Variants in LCORL observed in about 807,000 individuals in gnomAD.
LCORL encodes ligand dependent nuclear receptor corepressor like.
A neutral mutation model predicts 141.8 loss-of-function variants in LCORL; 41 were observed. The ratio of observed to expected loss-of-function variants is 0.29; its 90% CI spans 0.23 to 0.38. LCORL has a LOEUF of 0.38. Among genes scored for constraint, LCORL ranks in the 10% least tolerant of loss-of-function variants. The pLI is 1.00. For missense variants in LCORL, 1,759 were observed against 2,035.0 expected (o/e 0.86, Z 2.61); for synonymous variants, 618 against 694.1 (o/e 0.89, Z 1.72).
intron 4 of LCORL, among the ~76,000 whole-genome samples, chr4:17,918,881 C>A (rs1733872261): frequency 6.6e-6 from 1 of 152,050 alleles, no homozygotes; most frequent in African/African-American, 2.4e-5. Context: ...AGAATAAACT[C>A]AGAGATCACA....
At chr4:17,909,116 C>A in exon 5 of LCORL, 1 of 1,598,448 alleles carries the variant, frequency 6.3e-7, no homozygotes, top group Non-Finnish European at 8.5e-7. Flanking sequence ...TTTGTTCTTG[C>A]ATTCGATTCA....
chr4:17,951,519 C>T lies in LCORL; in HGVS notation c.430+10384G>A, dbSNP rs540360816. Among the ~76,000 whole-genome samples the T allele has an allele frequency of 1.6e-3, 240 of 152,140 alleles. 1 individual carries two copies. In the Middle Eastern group the frequency reaches 0.021, roughly 13 times the overall value. On this transcript the variant is annotated intron_variant, in intron 4 of 7. Coordinates refer to ENST00000635767, the Ensembl canonical transcript of LCORL. ...AGATCTCTATGGTTTGCTACCTCAA[C>T]TTTTTTTTACATCTCTGCTCAAATG...
At chr4:17,862,812 T>G (rs1725160309) in intron 7 of LCORL, among the ~76,000 whole-genome samples, 1 of 152,090 alleles carries the variant, frequency 6.6e-6, no homozygotes, top group African/African-American at 2.4e-5. Context: ...ACACAGGCCC[T>G]GGCAAAGATG....
At chr4:17,876,371 G>A in exon 7 of LCORL, 1 of 1,230,768 alleles carries the variant, frequency 8.1e-7, no homozygotes, top group Non-Finnish European at 1.0e-6. Flanking sequence ...CAGCATGTTG[G>A]TCTTTACCAT....
At chr4:17,930,586 A>G (rs957794003) in intron 4 of LCORL, among the ~76,000 whole-genome samples, 1 of 152,218 alleles carries the variant, frequency 6.6e-6, no homozygotes, top group African/African-American at 2.4e-5. Flanking sequence ...TAGATTAACA[A>G]GTGAATAATA....
intron 7 of LCORL, among the ~76,000 whole-genome samples, chr4:17,848,524 A>G (rs141261596): frequency 6.6e-6 from 1 of 152,264 alleles, no homozygotes; most frequent in Non-Finnish European, 1.5e-5. Flanking sequence ...TAATTTTTAA[A>G]TTTTTTTGAA....
intron 7 of LCORL, among the ~76,000 whole-genome samples, chr4:17,865,015 C>T (rs897921321): frequency 3.9e-5 from 6 of 152,150 alleles, no homozygotes; most frequent in Non-Finnish European, 4.4e-5. Flanking sequence ...CAAAACCTAA[C>T]AGATCTGAAA....
At chr4:17,911,971 G>A in intron 4 of LCORL, 1 of 615,446 alleles carries the variant, frequency 1.6e-6, no homozygotes, top group Admixed American at 1.9e-5. Flanking sequence ...TGACTGCTTG[G>A]CCTCCTACCT....
Position 17,956,440 on chromosome 4 carries a change from A to G in LCORL, c.430+5463T>C, listed in dbSNP as rs1712645283. On this transcript the variant is annotated intron_variant, in intron 4 of 7. Transcript: ENST00000635767. ...TATGAATGGATAAAGAAAATGTGGT[A>G]TATCTACATAATGGAATACTATTCA... is the stretch of plus-strand genomic sequence containing the variant. Among the ~76,000 whole-genome samples, 3 of 152,290 alleles carry G rather than the reference A, an allele frequency of 2.0e-5. No individual in the cohort carries two copies. The South Asian group carries it at 6.2e-4, about 32-fold the overall frequency.
At chr4:17,856,091 G>A (rs1170883904) in intron 7 of LCORL, among the ~76,000 whole-genome samples, 2 of 152,158 alleles carry the variant, frequency 1.3e-5, no homozygotes, top group African/African-American at 4.8e-5. Flanking sequence ...TTCCTTAAAC[G>A]ATTCCAGTAT....
chr4:17,969,681 A>T (rs987503821), intron 2 of LCORL, among the ~76,000 whole-genome samples: 1 of 152,322 alleles, frequency 6.6e-6, no homozygotes, highest in South Asian at 2.1e-4. Flanking sequence ...AACATCAAGC[A>T]TGGGTTAAAT....
chr4:17,943,217 G>A (rs16896068), intron 4 of LCORL, among the ~76,000 whole-genome samples: 37,809 of 151,932 alleles, frequency 0.25, 6,199 homozygotes, highest in African/African-American at 0.46. Context: ...GTATCCTACT[G>A]TAACAAGCAA....
At chr4:17,885,228 C>A (rs1347120536) in intron 6 of LCORL, among the ~76,000 whole-genome samples, 1 of 151,878 alleles carries the variant, frequency 6.6e-6, no homozygotes, top group Non-Finnish European at 1.5e-5. Context: ...ACACAAACAT[C>A]CCATATTTCC....
In LCORL at chr4:18,021,697, C is replaced by G; in HGVS notation, c.55G>C (p.Ala19Pro). ...GGGCTCCGGCACTGAGCGGCGGCGG[C>G]GGCGGCGGCAGCAGCGGCGGCGGCA... The change falls in exon 1 of 8, where the codon GCC (alanine) becomes CCC (proline). Residue 19 changes from alanine (A) to proline (P), a missense_variant. This residue lies in a region of LCORL where 86 missense variants were observed against 61.8 expected (regional missense o/e 1.39). Coordinates refer to ENST00000635767, the Ensembl canonical transcript of LCORL. This position sits in a 1 kb window ranked among gnomAD's most constrained non-coding sequence, Gnocchi z 5.5. The G allele has an allele frequency of 1.3e-6, 2 of 1,530,972 alleles. No homozygotes were observed. The highest frequency in any genetic ancestry group is 1.8e-6 in the Non-Finnish European group (2 of 1,139,912). 94.8% of individuals were successfully genotyped at this position (1,530,972 alleles called of 1,614,324 possible). A position where few individuals can be genotyped will look rare whatever the true frequency, so the allele number is the denominator to read the frequency against.
chr4:17,852,122 A>C (rs187084762), intron 7 of LCORL, among the ~76,000 whole-genome samples: 1 of 152,148 alleles, frequency 6.6e-6, no homozygotes, highest in Admixed American at 6.5e-5. Flanking sequence ...ATGCTATGTC[A>C]TCAGATTTAT....
At chr4:17,912,741 TG>T (rs2109340478) in intron 4 of LCORL, 2 of 409,304 alleles carry the variant, frequency 4.9e-6, no homozygotes, top group East Asian at 1.2e-4. Context: ...GAGTCGGAGC[TG>T]GCACAGACCC....
At chr4:17,924,745 T>A (rs111535916) in intron 4 of LCORL, among the ~76,000 whole-genome samples, 1 of 152,202 alleles carries the variant, frequency 6.6e-6, no homozygotes, top group Non-Finnish European at 1.5e-5. Context: ...CTCATGCTCA[T>A]GGAATTCACT....
At chr4:18,013,130 C>G (rs750768060) in intron 1 of LCORL, among the ~76,000 whole-genome samples, 1 of 152,092 alleles carries the variant, frequency 6.6e-6, no homozygotes, top group Admixed American at 6.5e-5. Flanking sequence ...CTCATCAACA[C>G]GTAACAATCC....
intron 4 of LCORL, among the ~76,000 whole-genome samples, chr4:17,943,919 C>G (rs1409660855): frequency 6.6e-6 from 1 of 152,188 alleles, no homozygotes; most frequent in East Asian, 1.9e-4. Context: ...GTTACTCACA[C>G]TTTACTTAAG....
Sources: allele counts gnomAD v4.1 joint callset (sites outside exome capture counted in the v4.1 genomes callset), GRCh38; gene constraint gnomAD v4.1.1; regional missense constraint gnomAD v4.1.1; non-coding constraint Gnocchi (gnomAD v3.1); transcripts MANE v1.5; gene names NCBI Gene and HGNC (gene_info 2026-07-23, HGNC 2026-07-21).